RNF169: variants seen among roughly 807,000 people sequenced by gnomAD.
The protein encoded by RNF169 is ring finger protein 169.
In RNF169, 24 loss-of-function variants were observed where a neutral mutation model predicts 53.9. The observed-to-expected ratio is 0.45, with a 90% CI of 0.32 to 0.63. The LOEUF is 0.63. RNF169 is among the 20% of genes least tolerant of loss of function. The pLI is 0.04. For missense variants in RNF169, 883 were observed against 906.2 expected (o/e 0.97, Z 0.33); for synonymous variants, 396 against 363.5 (o/e 1.09, Z -1.02).
intron 3 of RNF169, among the ~76,000 whole-genome samples, chr11:74,815,191 A>G (rs1021219746): frequency 6.6e-6 from 1 of 152,182 alleles, no homozygotes; most frequent in South Asian, 2.1e-4. Context: ...ATAGAAATGT[A>G]GAGGGGTGGG....
At chr11:74,798,021 TCTTTA>T (rs2035673923) in intron 2 of RNF169, among the ~76,000 whole-genome samples, 1 of 152,210 alleles carries the variant, frequency 6.6e-6, no homozygotes, top group African/African-American at 2.4e-5. Context: ...CCCATGCCTG[TCTTTA>T]CTTTAATCTC....
At chr11:74,787,891 C>G (rs1222139882) in intron 1 of RNF169, among the ~76,000 whole-genome samples, 2 of 152,156 alleles carry the variant, frequency 1.3e-5, no homozygotes, top group Non-Finnish European at 2.9e-5. Context: ...GATTTAAACT[C>G]ACCTTGTTGC....
intron 1 of RNF169, among the ~76,000 whole-genome samples, chr11:74,772,164 GA>G (rs1479831551): frequency 7.3e-5 from 10 of 137,614 alleles, no homozygotes; most frequent in African/African-American, 1.3e-4. Context: ...TGATCTAAGG[GA>G]AAAATTGGTC....
chr11:74,772,723 TATTGTTTCATAGTGATATTTAAA>T (rs1437959882), intron 1 of RNF169, among the ~76,000 whole-genome samples: 2 of 152,176 alleles, frequency 1.3e-5, no homozygotes, highest in African/African-American at 4.8e-5. Context: ...GGATAATCAA[TATTGTTTCATAGTGATATTTAAA>T]CAGTAAAATC....
At chr11:74,779,312 C>G (rs1053129769) in intron 1 of RNF169, among the ~76,000 whole-genome samples, 1 of 150,712 alleles carries the variant, frequency 6.6e-6, no homozygotes, top group Non-Finnish European at 1.5e-5. Flanking sequence ...AGTAGTAGTA[C>G]TACTACTACC....
rs1299354750 is a variant in RNF169, at chr11:74,836,427, G to C, written c.1824G>C (p.Glu608Asp). The change falls in exon 6 of 6, where the codon GAG (glutamate) becomes GAC (aspartate). Residue 608 changes from glutamate (E) to aspartate (D), a missense_variant. Glu to Asp is a conservative substitution (Grantham distance 45). Around this residue, in one of 3 missense-constraint regions of RNF169, gnomAD observed 351 missense variants for 337.3 expected, o/e 1.04. Coordinates refer to ENST00000299563, the MANE Select transcript of RNF169 (RefSeq NM_001098638.2). ...HFDLTNGVLV[E>D]SLSEEPLPSL... ...ATCTGACTAATGGTGTTCTAGTTGA[G>C]AGCCTAAGTGAAGAGCCACTTCCTT... 1 of 1,614,192 alleles carries C rather than the reference G, an allele frequency of 6.2e-7. No individual in the cohort carries two copies. The highest frequency in any genetic ancestry group is 1.6e-4 in the Middle Eastern group (1 of 6,062).
At chr11:74,761,547 A>G (rs944849156) in intron 1 of RNF169, among the ~76,000 whole-genome samples, 4 of 151,380 alleles carry the variant, frequency 2.6e-5, no homozygotes, top group African/African-American at 9.7e-5. Flanking sequence ...TCTGTAAAGG[A>G]TTTTATTTCT....
At chr11:74,775,889 T>A (rs1424752017) in intron 1 of RNF169, among the ~76,000 whole-genome samples, 1 of 152,218 alleles carries the variant, frequency 6.6e-6, no homozygotes, top group Non-Finnish European at 1.5e-5. Flanking sequence ...GCACTTAATA[T>A]GTTATCTGGA....
At chr11:74,814,949 T>G (rs1050819841) in intron 3 of RNF169, among the ~76,000 whole-genome samples, 5 of 152,190 alleles carry the variant, frequency 3.3e-5, no homozygotes, top group Non-Finnish European at 7.4e-5. Flanking sequence ...GGTTTATATT[T>G]ATTATAGGTT....
In RNF169 at chr11:74,748,909, C is replaced by T. The variant is rs771609749; in HGVS notation, c.29C>T (p.Ala10Val). The change falls in exon 1 of 6, where the codon GCC becomes GTC. Residue 10 changes from alanine to valine, a missense_variant. Transcript: ENST00000299563. Reference sequence around the variant, plus strand: ...GCGGCTGCAGGTCCGAGTACTCGGGCCTCTTCCGCGGCGGCAGCAGCCGCT... The same window carrying T: ...GCGGCTGCAGGTCCGAGTACTCGGGTCTCTTCCGCGGCGGCAGCAGCCGCT... Reference protein sequence around the residue: MAAAGPSTRASSAAAAAALS... With the variant: MAAAGPSTRVSSAAAAAALS... 1.7e-5 allele frequency: 25 copies of T among 1,449,104 alleles called. No individual in the cohort carries two copies. The highest frequency in any genetic ancestry group is 6.8e-5 in the South Asian group (5 of 73,234). 89.8% of individuals were successfully genotyped at this position (1,449,104 alleles called of 1,614,324 possible).
intron 1 of RNF169, among the ~76,000 whole-genome samples, chr11:74,763,697 CAAG>C (rs959807200): frequency 2.0e-5 from 3 of 151,974 alleles, no homozygotes; most frequent in African/African-American, 7.2e-5. Flanking sequence ...AAGGACAAAT[CAAG>C]AAGATCCAAC....
chr11:74,751,798 C>T (rs958993095), intron 1 of RNF169, among the ~76,000 whole-genome samples: 3 of 152,066 alleles, frequency 2.0e-5, no homozygotes, highest in African/African-American at 7.2e-5. Context: ...AAAAATATTG[C>T]CAAAAGGCTT....
chr11:74,765,523 G>A (rs1163904056), intron 1 of RNF169, among the ~76,000 whole-genome samples: 5 of 152,100 alleles, frequency 3.3e-5, no homozygotes, highest in East Asian at 1.9e-4. Flanking sequence ...AAAACCAGCC[G>A]GGTGCGGTGG....
chr11:74,769,271 G>A (rs189131824), intron 1 of RNF169, among the ~76,000 whole-genome samples: 2 of 152,286 alleles, frequency 1.3e-5, no homozygotes, highest in Non-Finnish European at 1.5e-5. Flanking sequence ...AGAATGATAC[G>A]CAACAGCATT....
intron 1 of RNF169, among the ~76,000 whole-genome samples, chr11:74,770,684 G>C (rs1462371683): frequency 2.6e-5 from 4 of 152,128 alleles, no homozygotes; most frequent in Admixed American, 6.5e-5. Context: ...AAATGACTAG[G>C]AAGAACAGAA....
At chr11:74,775,446 T>A (rs1398103582) in intron 1 of RNF169, among the ~76,000 whole-genome samples, 1 of 152,174 alleles carries the variant, frequency 6.6e-6, no homozygotes, top group African/African-American at 2.4e-5. Flanking sequence ...GCTTCCCTAG[T>A]TTCAGTATTC....
At chr11:74,789,808 C>G in intron 2 of RNF169, 109 bp downstream of exon 2, 2 of 642,960 alleles carry the variant, frequency 3.1e-6, no homozygotes, top group Admixed American at 5.0e-5. Flanking sequence ...TAATGCAGAG[C>G]CTTTCTTCAC....
intron 4 of RNF169, among the ~76,000 whole-genome samples, chr11:74,829,217 T>C (rs2036140782): frequency 1.3e-5 from 2 of 152,190 alleles, no homozygotes; most frequent in Admixed American, 1.3e-4. Flanking sequence ...AAGACATACA[T>C]GTGGCCAACC....
At chr11:74,786,249 T>TC (rs913821755) in intron 1 of RNF169, among the ~76,000 whole-genome samples, 2 of 151,090 alleles carry the variant, frequency 1.3e-5, no homozygotes, top group South Asian at 2.1e-4. Context: ...TGTTTCTTTT[T>TC]TTTTTTTTTT....
Sources: gnomAD v4.1 joint callset for allele counts (sites outside exome capture counted in the v4.1 genomes callset) on GRCh38, gnomAD v4.1.1 for gene constraint, gnomAD v4.1.1 regional missense constraint, MANE v1.5 for transcripts, NCBI Gene and HGNC (gene_info 2026-07-23, HGNC 2026-07-21) for gene names.